Variants in LRFN5 observed in about 807,000 individuals in gnomAD.
LRFN5 encodes leucine rich repeat and fibronectin type III domain containing 5.
LRFN5 carries 24 observed loss-of-function variants against 45.6 expected under a neutral mutation model. The ratio of observed to expected loss-of-function variants is 0.53; its 90% CI spans 0.38 to 0.74. The LOEUF (loss-of-function observed/expected upper bound fraction) is 0.74, where lower values mean the gene tolerates loss of function less well. Among genes scored for constraint, LRFN5 ranks in the 30% least tolerant of loss-of-function variants. LRFN5 has a pLI of 0.00. For synonymous variants in LRFN5, 340 were observed against 313.8 expected (o/e 1.08, Z -0.88); for missense variants, 776 against 861.5 (o/e 0.90, Z 1.24).
At chr14:41,803,477 G>T (rs939740441) in intron 2 of LRFN5, among the ~76,000 whole-genome samples, 2 of 151,710 alleles carry the variant, frequency 1.3e-5, no homozygotes, top group African/African-American at 4.8e-5. Context: ...TCAGCCTCCT[G>T]AGTAGCTAGG....
chr14:41,750,111 C>A (rs1480896940), intron 1 of LRFN5, among the ~76,000 whole-genome samples: 1 of 151,702 alleles, frequency 6.6e-6, no homozygotes, highest in African/African-American at 2.4e-5. Flanking sequence ...CCAAAATAAA[C>A]TAGAAAAATT....
intron 1 of LRFN5, among the ~76,000 whole-genome samples, chr14:41,707,967 A>C (rs1883134962): frequency 6.6e-6 from 1 of 152,092 alleles, no homozygotes; most frequent in Non-Finnish European, 1.5e-5. Flanking sequence ...CTAATGTCTA[A>C]ATATTTATAC....
intron 2 of LRFN5, among the ~76,000 whole-genome samples, chr14:41,792,662 C>T (rs750270552): frequency 6.6e-6 from 1 of 151,960 alleles, no homozygotes; most frequent in Non-Finnish European, 1.5e-5. Flanking sequence ...TGCCTGACCC[C>T]GCAGGCAGTC....
intron 2 of LRFN5, among the ~76,000 whole-genome samples, chr14:41,882,722 CA>C (rs1444956801): frequency 6.6e-6 from 1 of 151,948 alleles, no homozygotes; most frequent in Non-Finnish European, 1.5e-5. Flanking sequence ...ACCACAAATG[CA>C]TTCTTAGAAG....
Position 41,893,596 on chromosome 14 carries a change from G to C in LRFN5, c.2098+1634G>C, listed in dbSNP as rs532761161. The C allele has an allele frequency of 5.1e-6, 5 of 985,316 alleles. No homozygotes were observed. The East Asian group carries it at 5.7e-4, about 112-fold the overall frequency. The allele number at this position is 985,316 out of a possible 1,614,324, so 61.0% of individuals were successfully genotyped here. ...ACCACTTAAGACACAAGTGAGGAAT[G>C]TGGAATCGTTAATTTCCTTCTGGTA... is the stretch of plus-strand genomic sequence containing the variant. On this transcript the variant is annotated intron_variant, in intron 4 of 5. Coordinates refer to ENST00000298119, the MANE Select transcript of LRFN5 (RefSeq NM_152447.5).
chr14:41,776,754 G>A (rs1436570005), intron 2 of LRFN5, among the ~76,000 whole-genome samples: 1 of 152,044 alleles, frequency 6.6e-6, no homozygotes, highest in Non-Finnish European at 1.5e-5. Context: ...GTGCGTGTGT[G>A]CTTTTTTGTG....
chr14:41,676,240 A>T (rs1161672182), intron 1 of LRFN5, among the ~76,000 whole-genome samples: 1 of 152,222 alleles, frequency 6.6e-6, no homozygotes, highest in Admixed American at 6.5e-5. Flanking sequence ...TTTCTGAAGA[A>T]GCAAGCTGAG....
At chr14:41,894,575 A>T (rs1045533080) in intron 4 of LRFN5, 8 of 972,040 alleles carry the variant, frequency 8.2e-6, no homozygotes, top group Non-Finnish European at 9.8e-6. Flanking sequence ...GAAGGTCAAA[A>T]TTTTTTTGTA....
chr14:41,661,457 A>G (rs971498939), intron 1 of LRFN5, among the ~76,000 whole-genome samples: 3 of 152,076 alleles, frequency 2.0e-5, no homozygotes, highest in Non-Finnish European at 2.9e-5. Flanking sequence ...TTCAAGGCCT[A>G]CATTTTGTGA....
At chr14:41,724,200 C>T (rs1440728538) in intron 1 of LRFN5, among the ~76,000 whole-genome samples, 1 of 152,092 alleles carries the variant, frequency 6.6e-6, no homozygotes, top group African/African-American at 2.4e-5. Context: ...TTTTCTTTCT[C>T]AAAATACAAC....
intron 4 of LRFN5, 76 bp downstream of exon 4, chr14:41,892,038 A>G (rs1015889444): frequency 1.9e-6 from 3 of 1,539,502 alleles, no homozygotes; most frequent in African/African-American, 1.4e-5. Context: ...TTAAAGGAAT[A>G]CTATTGTTAT....
At chr14:41,871,989 CT>C (rs1000675302) in intron 2 of LRFN5, among the ~76,000 whole-genome samples, 1 of 151,954 alleles carries the variant, frequency 6.6e-6, no homozygotes, top group Non-Finnish European at 1.5e-5. Context: ...GGCTCAATGG[CT>C]TTTTTAAAAT....
intron 2 of LRFN5, among the ~76,000 whole-genome samples, chr14:41,771,633 A>T (rs1073911): frequency 0.6 from 91,194 of 151,368 alleles, 28,541 homozygotes; most frequent in East Asian, 0.94. Context: ...GTTATTTGCT[A>T]GGGTGTAACA....
Position 41,904,300 on chromosome 14 carries a change from A to G in LRFN5, c.*125A>G. 13 of 1,179,884 alleles carry G rather than the reference A, an allele frequency of 1.1e-5. No homozygotes were observed. Among genetic ancestry groups the G allele is most frequent in the African/African-American group, 1.5e-5 (1 of 65,826 alleles). The allele number at this position is 1,179,884 out of a possible 1,614,324, so 73.1% of individuals were successfully genotyped here. A position where few individuals can be genotyped will look rare whatever the true frequency, so the allele number is the denominator to read the frequency against. On this transcript the variant is annotated 3_prime_UTR_variant, in exon 6 of 6. Coordinates refer to ENST00000298119, the MANE Select transcript of LRFN5 (RefSeq NM_152447.5). ...ACTGGTGTCGTAGAAGAAATTGTCTACAGGAGCCAAGGTGAAAGTCTCTGA... is the reference window on the plus strand; with the variant it reads ...ACTGGTGTCGTAGAAGAAATTGTCTGCAGGAGCCAAGGTGAAAGTCTCTGA...
chr14:41,649,860 C>G (rs1880010988), intron 1 of LRFN5, among the ~76,000 whole-genome samples: 2 of 152,136 alleles, frequency 1.3e-5, no homozygotes, highest in South Asian at 2.1e-4. Flanking sequence ...CCACTCTCCC[C>G]CATTGCAATA....
intron 1 of LRFN5, among the ~76,000 whole-genome samples, chr14:41,724,740 A>C (rs1272306198): frequency 1.3e-5 from 2 of 152,194 alleles, no homozygotes; most frequent in Admixed American, 1.3e-4. Context: ...GATAATTATT[A>C]ATTTTAATCT....
At chr14:41,726,204 T>C (rs1378043176) in intron 1 of LRFN5, among the ~76,000 whole-genome samples, 1 of 152,156 alleles carries the variant, frequency 6.6e-6, no homozygotes, top group African/African-American at 2.4e-5. Context: ...TCAATTATTA[T>C]TTTTTCATTA....
chr14:41,864,515 C>T (rs907799088), intron 2 of LRFN5, among the ~76,000 whole-genome samples: 1 of 152,004 alleles, frequency 6.6e-6, no homozygotes, highest in Non-Finnish European at 1.5e-5. Context: ...TTCAAATATC[C>T]CCTTTTATAG....
At chr14:41,868,420 G>C (rs573223244) in intron 2 of LRFN5, among the ~76,000 whole-genome samples, 1 of 152,034 alleles carries the variant, frequency 6.6e-6, no homozygotes, top group African/African-American at 2.4e-5. Flanking sequence ...TTGAATGCAC[G>C]GTGGTAGCCA....
Sources: gnomAD v4.1 joint callset for allele counts (sites outside exome capture counted in the v4.1 genomes callset) on GRCh38, gnomAD v4.1.1 for gene constraint, MANE v1.5 for transcripts, NCBI Gene and HGNC (gene_info 2026-07-23, HGNC 2026-07-21) for gene names.